CCDC171: variants seen among roughly 807,000 people sequenced by gnomAD.
The protein encoded by CCDC171 is coiled-coil domain-containing protein 171.
A neutral mutation model predicts 168.2 loss-of-function variants in CCDC171; 177 were observed. That is an observed-to-expected ratio of 1.05 (90% CI 0.93 to 1.19). CCDC171 has a LOEUF of 1.19. Among genes scored for constraint, CCDC171 ranks in the 50% most tolerant of loss-of-function variants. CCDC171 has a pLI of 0.00. For missense variants in CCDC171, 1,991 were observed against 1,539.0 expected (o/e 1.29, Z -4.91); for synonymous variants, 687 against 540.8 (o/e 1.27, Z -3.75).
At chr9:15,649,433 A>G (rs2047322186) in intron 7 of CCDC171, among the ~76,000 whole-genome samples, 1 of 152,250 alleles carries the variant, frequency 6.6e-6, no homozygotes, top group Non-Finnish European at 1.5e-5. Flanking sequence ...CTGCACAGCA[A>G]AAGAAGCTAC....
At chr9:15,886,755 T>TACTC (rs1819457682) in intron 24 of CCDC171, 1 of 146,654 alleles carries the variant, frequency 6.8e-6, no homozygotes, top group African/African-American at 2.5e-5. Flanking sequence ...GAAATGTTTA[T>TACTC]ACACACACAC....
the CCDC171 span, among the ~76,000 whole-genome samples, chr9:16,073,201 A>G: frequency 6.6e-6 from 1 of 152,230 alleles, no homozygotes; most frequent in African/African-American, 2.4e-5. Context: ...AGTAGGACCA[A>G]GGTTGCTGCC....
At chr9:15,612,495 T>G (rs571042145) in intron 6 of CCDC171, among the ~76,000 whole-genome samples, 1 of 152,322 alleles carries the variant, frequency 6.6e-6, no homozygotes, top group African/African-American at 2.4e-5. Context: ...CTCTTGGTGT[T>G]CTTTTTAACT....
At chr9:15,571,781 A>G (rs770328514) in intron 3 of CCDC171, 22 bp downstream of exon 3, 2 of 1,559,348 alleles carry the variant, frequency 1.3e-6, no homozygotes, top group Admixed American at 4.5e-5. Flanking sequence ...TTTCCTCTCA[A>G]ATAATGTTAA....
At chr9:16,095,376 T>G in the CCDC171 span, among the ~76,000 whole-genome samples, 4,217 of 152,202 alleles carry the variant, frequency 0.028, 179 homozygotes, top group African/African-American at 0.09. Flanking sequence ...AGATCTTATT[T>G]TCCACCAGTT....
At chr9:15,808,399 T>C (rs989975625) in intron 21 of CCDC171, among the ~76,000 whole-genome samples, 3 of 152,190 alleles carry the variant, frequency 2.0e-5, no homozygotes, top group African/African-American at 7.2e-5. Flanking sequence ...TTGTTAGATA[T>C]ATTAGACAAG....
chr9:15,744,690 T>A lies in CCDC171; in HGVS notation c.2467T>A (p.Ser823Thr), dbSNP rs1473913081. The change falls in exon 17 of 26, where the codon TCT (serine) becomes ACT (threonine). Residue 823 changes from serine to threonine, a missense_variant. Transcript: ENST00000380701. ...RLKILGQSCA[S>T]LFTWMESFKE... Reference sequence around the variant, plus strand: ...CAAGATTTTGGGCCAATCATGTGCCTCTCTTTTTACCTGGATGGAGAGTTT... The same window carrying A: ...CAAGATTTTGGGCCAATCATGTGCCACTCTTTTTACCTGGATGGAGAGTTT... 6.2e-7 allele frequency: 1 copy of A among 1,614,154 alleles called. No individual in the cohort carries two copies. Among genetic ancestry groups the A allele is most frequent in the Non-Finnish European group, 8.5e-7 (1 of 1,180,026 alleles).
chr9:15,946,821 G>A (rs1828455065), intron 25 of CCDC171, among the ~76,000 whole-genome samples: 1 of 151,978 alleles, frequency 6.6e-6, no homozygotes, highest in Non-Finnish European at 1.5e-5. Context: ...CTTTTGATGG[G>A]CATTTTTGTA....
At chr9:15,686,933 C>T (rs1406875534) in intron 10 of CCDC171, among the ~76,000 whole-genome samples, 2 of 152,162 alleles carry the variant, frequency 1.3e-5, no homozygotes, top group Non-Finnish European at 2.9e-5. Context: ...TAGAACACCA[C>T]ACCCATTAGC....
intron 11 of CCDC171, among the ~76,000 whole-genome samples, chr9:15,717,462 G>A (rs2053165338): frequency 6.6e-6 from 1 of 152,190 alleles, no homozygotes; most frequent in Admixed American, 6.5e-5. Context: ...CTCGGAGCCA[G>A]TGGACTTAGA....
intron 7 of CCDC171, among the ~76,000 whole-genome samples, chr9:15,626,018 T>G (rs1474257114): frequency 6.6e-6 from 1 of 152,220 alleles, no homozygotes; most frequent in Non-Finnish European, 1.5e-5. Context: ...TAGTTCTCCT[T>G]GAAGAGGTCC....
chr9:16,093,273 T>C, the CCDC171 span, among the ~76,000 whole-genome samples: 74 of 152,316 alleles, frequency 4.9e-4, 1 homozygote, highest in South Asian at 4.8e-3. Context: ...CTGATCCTTA[T>C]CCTGACCTGG....
At chr9:15,641,545 A>G (rs1433851685) in intron 7 of CCDC171, among the ~76,000 whole-genome samples, 1 of 152,172 alleles carries the variant, frequency 6.6e-6, no homozygotes, top group Non-Finnish European at 1.5e-5. Context: ...ACATCTGGGT[A>G]TGTTTGGTTA....
At chr9:16,054,658 AT>A (rs999721720) in intron 1 of CCDC171, among the ~76,000 whole-genome samples, 11 of 152,178 alleles carry the variant, frequency 7.2e-5, no homozygotes, top group Admixed American at 1.3e-4. Flanking sequence ...CAAAAAATAT[AT>A]TTTTTAATGT....
At chr9:15,878,554 G>A (rs1041506760) in intron 24 of CCDC171, among the ~76,000 whole-genome samples, 1 of 152,166 alleles carries the variant, frequency 6.6e-6, no homozygotes, top group Non-Finnish European at 1.5e-5. Flanking sequence ...TTCAGCCCTA[G>A]TGGAAAGCAG....
chr9:15,731,028 A>G (rs1016923049), intron 16 of CCDC171, among the ~76,000 whole-genome samples: 1 of 152,056 alleles, frequency 6.6e-6, no homozygotes, highest in African/African-American at 2.4e-5. Flanking sequence ...AGCCAGAGTA[A>G]GATATCTATC....
upstream of CCDC171, among the ~76,000 whole-genome samples, chr9:16,040,746 A>C (rs879482148): frequency 1.3e-5 from 2 of 152,210 alleles, no homozygotes; most frequent in South Asian, 4.1e-4. Flanking sequence ...ACGTGGTTGA[A>C]ATACACAAAT....
chr9:15,672,305 G>A (rs1217886893), intron 9 of CCDC171, among the ~76,000 whole-genome samples: 4 of 152,118 alleles, frequency 2.6e-5, no homozygotes, highest in Non-Finnish European at 5.9e-5. Context: ...TAAGTTGCCT[G>A]TTTACTCTGA....
At chr9:15,988,802 G>A (rs1323653628) in intron 3 of CCDC171, among the ~76,000 whole-genome samples, 1 of 152,182 alleles carries the variant, frequency 6.6e-6, no homozygotes, top group Non-Finnish European at 1.5e-5. Context: ...GGCTCGGAGG[G>A]TCCCAAGCCC....
Sources: allele counts gnomAD v4.1 joint callset (sites outside exome capture counted in the v4.1 genomes callset), GRCh38; gene constraint gnomAD v4.1.1; transcripts MANE v1.5; gene names NCBI Gene and HGNC (gene_info 2026-07-23, HGNC 2026-07-21).